The following ATP1B1 variants were observed in gnomAD, a reference collection of about 807,000 sequenced individuals.
ATP1B1 encodes sodium/potassium-transporting ATPase subunit beta-1.
ATP1B1 carries 3 observed loss-of-function variants against 39.6 expected under a neutral mutation model. The observed-to-expected ratio is 0.08, with a 90% CI of 0.03 to 0.20. ATP1B1 has a LOEUF of 0.20. ATP1B1 is among the 10% of genes least tolerant of loss of function. The pLI is 1.00. For missense variants in ATP1B1, 216 were observed against 371.1 expected, an observed-to-expected ratio of 0.58 and a Z score of 3.43; for synonymous variants, 139 against 135.0, an observed-to-expected ratio of 1.03 and a Z score of -0.20.
chr1:169,122,770 T>TTG (rs71121722), intron 2 of ATP1B1, among the ~76,000 whole-genome samples: 106 of 101,354 alleles, frequency 1.0e-3, no homozygotes, highest in Non-Finnish European at 1.9e-3. Flanking sequence ...TTTTTTTTTT[T>TTG]AATTGCGATA....
At chr1:169,113,711 C>T (rs1037219830) in intron 2 of ATP1B1, among the ~76,000 whole-genome samples, 1 of 152,142 alleles carries the variant, frequency 6.6e-6, no homozygotes, top group Non-Finnish European at 1.5e-5. Context: ...TTCTTAGTAC[C>T]TATATTTAGT....
At chr1:169,115,395 C>T (rs1371617836) in intron 2 of ATP1B1, among the ~76,000 whole-genome samples, 9 of 147,692 alleles carry the variant, frequency 6.1e-5, no homozygotes, top group African/African-American at 2.3e-4. Flanking sequence ...GTCGCCCAGG[C>T]TGGAGTGCAG....
chr1:169,116,872 AAAAC>A (rs1420812472), intron 2 of ATP1B1, among the ~76,000 whole-genome samples: 4 of 151,942 alleles, frequency 2.6e-5, no homozygotes, highest in African/African-American at 9.7e-5. Flanking sequence ...AACCAAAAAC[AAAAC>A]AAACAAAAAA....
intron 4 of ATP1B1, among the ~76,000 whole-genome samples, chr1:169,128,811 G>A (rs1481006253): frequency 6.6e-6 from 1 of 152,188 alleles, no homozygotes; most frequent in Admixed American, 6.5e-5. Flanking sequence ...CTAGTCTATT[G>A]TGATTGATTT....
rs79981870 is a variant in ATP1B1, at chr1:169,122,671, T to G, written c.227-2213T>G. Among the ~76,000 whole-genome samples the G allele has an allele frequency of 1.5e-3, 220 of 149,538 alleles. 2 individuals are homozygous for G. The highest frequency in any genetic ancestry group is 5.3e-3 in the African/African-American group (216 of 41,070). On this transcript the variant is annotated intron_variant, in intron 2 of 5. Coordinates refer to ENST00000367815, the MANE Select transcript of ATP1B1 (RefSeq NM_001677.4). Reference sequence around the variant, plus strand: ...ATGAGCAAATTCTGCTACTTCCCCTTTGATTCATTTCTATCACTGTTGAAA... The same window carrying G: ...ATGAGCAAATTCTGCTACTTCCCCTGTGATTCATTTCTATCACTGTTGAAA...
chr1:169,129,907 A>T, intron 4 of ATP1B1, 103 bp from the exon 5 acceptor site: 5 of 1,060,080 alleles, frequency 4.7e-6, no homozygotes, highest in Non-Finnish European at 6.8e-6. Flanking sequence ...TGGTTGACTT[A>T]CTGTGACCAG....
In ATP1B1 at chr1:169,130,107, G is replaced by A; in HGVS notation, c.648+17G>A. ...ACTGGCAAGGTAAAGACAAATTTAG[G>A]GTTACTGGGGTGGTGGAAGGGTAGG... On this transcript the variant is annotated intron_variant, in intron 5 of 5. Coordinates refer to ENST00000367815, the MANE Select transcript of ATP1B1 (RefSeq NM_001677.4). 6.2e-7 allele frequency: 1 copy of A among 1,610,264 alleles called. No homozygotes were observed. The highest frequency in any genetic ancestry group is 8.5e-7 in the Non-Finnish European group (1 of 1,176,914).
Position 169,111,243 on chromosome 1 carries a change from G to A in ATP1B1, c.98-127G>A, listed in dbSNP as rs574656757. 1.5e-4 allele frequency: 199 copies of A among 1,333,256 alleles called. 1 individual carries two copies. The South Asian group carries it at 1.7e-3, about 11-fold the overall frequency. 82.6% of individuals were successfully genotyped at this position (1,333,256 alleles called of 1,614,324 possible). On this transcript the variant is annotated intron_variant, in intron 1 of 5. Transcript: ENST00000367815. ...CAGTGGGGTGAGGTGCACTCTTGAC[G>A]TTGGACAAGGAAGAAATCATGGGAC...
intron 2 of ATP1B1, among the ~76,000 whole-genome samples, chr1:169,123,638 T>G (rs535087650): frequency 3.7e-5 from 5 of 136,926 alleles, no homozygotes; most frequent in African/African-American, 1.6e-4. Context: ...TATATATAGG[T>G]TTTTTTTTTT....
intron 3 of ATP1B1, among the ~76,000 whole-genome samples, chr1:169,126,203 G>T (rs1185419609): frequency 4.6e-5 from 7 of 152,274 alleles, no homozygotes; most frequent in Non-Finnish European, 7.4e-5. Flanking sequence ...TTTAAATGAG[G>T]TTTTCATCTT....
intron 3 of ATP1B1, among the ~76,000 whole-genome samples, chr1:169,126,475 C>CT (rs1426955946): frequency 6.6e-6 from 1 of 152,086 alleles, no homozygotes; most frequent in Non-Finnish European, 1.5e-5. Context: ...CCAGCAAATG[C>CT]TTAATGCATA....
At chr1:169,118,028 T>G (rs1169902526) in intron 2 of ATP1B1, among the ~76,000 whole-genome samples, 4 of 152,234 alleles carry the variant, frequency 2.6e-5, no homozygotes, top group African/African-American at 9.6e-5. Context: ...TCTATTTGTT[T>G]ATGTTATTCT....
chr1:169,127,360 A>G lies in ATP1B1; in HGVS notation c.519A>G (p.Lys173=). The stretch of plus-strand genomic sequence containing the variant: ...AAACTTATGGCTACAAAGAGGGCAA[A>G]CCGTGCATTATTATAAAGCTCAACC... The part of the protein sequence containing the change: ...NDETYGYKEG[K]PCIIIKLNRV... Residue 173 remains lysine, a synonymous_variant, in exon 4 of 6, where the codon AAA becomes AAG. Transcript: ENST00000367815. 1 of 1,612,344 alleles carries G rather than the reference A, an allele frequency of 6.2e-7. No homozygotes were observed. Among genetic ancestry groups the G allele is most frequent in the African/African-American group, 1.3e-5 (1 of 74,936 alleles).
chr1:169,118,279 CCT>C (rs1657896626), intron 2 of ATP1B1, among the ~76,000 whole-genome samples: 2 of 152,242 alleles, frequency 1.3e-5, no homozygotes, highest in South Asian at 4.2e-4. Context: ...ATTTCTTTAC[CCT>C]GAGTGTTGGT....
chr1:169,114,766 GT>G (rs1657804690), intron 2 of ATP1B1, among the ~76,000 whole-genome samples: 1 of 152,148 alleles, frequency 6.6e-6, no homozygotes, highest in African/African-American at 2.4e-5. Flanking sequence ...GCTCATGCCT[GT>G]AATCCCAGCA....
At chr1:169,127,879 C>CA (rs1217465793) in intron 4 of ATP1B1, among the ~76,000 whole-genome samples, 4 of 151,830 alleles carry the variant, frequency 2.6e-5, no homozygotes, top group Non-Finnish European at 5.9e-5. Flanking sequence ...AGGAACATTT[C>CA]AAAAAAATTG....
At chr1:169,112,903 T>C (rs562670171) in intron 2 of ATP1B1, among the ~76,000 whole-genome samples, 1 of 152,116 alleles carries the variant, frequency 6.6e-6, no homozygotes, top group African/African-American at 2.4e-5. Flanking sequence ...CTGAAACATG[T>C]TTTACGTTGG....
intron 2 of ATP1B1, 79 bp downstream of exon 2, chr1:169,111,577 G>A: frequency 6.5e-7 from 1 of 1,546,018 alleles, no homozygotes. Context: ...AAATTCTTTG[G>A]AAAATTACTC....
At chr1:169,114,410 T>A (rs1259369789) in intron 2 of ATP1B1, among the ~76,000 whole-genome samples, 1 of 152,182 alleles carries the variant, frequency 6.6e-6, no homozygotes, top group African/African-American at 2.4e-5. Context: ...TTACTAATAA[T>A]ATTATCAGCT....
Sources: allele counts gnomAD v4.1 joint callset (sites outside exome capture counted in the v4.1 genomes callset), GRCh38; gene constraint gnomAD v4.1.1; transcripts MANE v1.5; gene names NCBI Gene and HGNC (gene_info 2026-07-23, HGNC 2026-07-21).